Variants in ANKS1B observed in about 807,000 individuals in gnomAD.
ANKS1B encodes the protein ankyrin repeat and sterile alpha motif domain containing 1B, also known as ankyrin repeat and sterile alpha motif domain-containing protein 1B.
A neutral mutation model predicts 148.3 loss-of-function variants in ANKS1B; 36 were observed. The observed-to-expected ratio is 0.24, with a 90% CI of 0.19 to 0.32. The LOEUF (loss-of-function observed/expected upper bound fraction) is 0.32. ANKS1B is among the 10% of genes least tolerant of loss of function. The probability of loss-of-function intolerance (pLI) is 1.00; values close to 1 mark genes in which losing one functional copy is unlikely to be tolerated. For synonymous variants in ANKS1B, 542 were observed against 560.8 expected (o/e 0.97, Z 0.47); for missense variants, 1,157 against 1,542.6 (o/e 0.75, Z 4.19).
At chr12:99,224,280 T>C (rs2085542510) in intron 14 of ANKS1B, among the ~76,000 whole-genome samples, 1 of 152,222 alleles carries the variant, frequency 6.6e-6, no homozygotes, top group East Asian at 1.9e-4. Flanking sequence ...AATGGAGCTT[T>C]ACAGTTTATA....
At chr12:99,737,543 TAAA>T (rs2059723773) in intron 8 of ANKS1B, among the ~76,000 whole-genome samples, 1 of 152,116 alleles carries the variant, frequency 6.6e-6, no homozygotes, top group South Asian at 2.1e-4. Flanking sequence ...TCCCCATGCT[TAAA>T]ACCCTTCAGT....
chr12:99,517,650 A>C (rs1961512), intron 9 of ANKS1B, among the ~76,000 whole-genome samples: 19,117 of 151,872 alleles, frequency 0.13, 1,523 homozygotes, highest in Non-Finnish European at 0.17. Context: ...AATCGCTTGA[A>C]TATATATAGC....
chr12:99,004,336 A>C (rs2099934853), intron 17 of ANKS1B, among the ~76,000 whole-genome samples: 1 of 151,228 alleles, frequency 6.6e-6, no homozygotes, highest in Non-Finnish European at 1.5e-5. Flanking sequence ...TAATGTTCCC[A>C]TTTAAAAACA....
intron 8 of ANKS1B, 192 bp downstream of exon 8, chr12:99,772,730 T>G: frequency 2.3e-6 from 1 of 430,998 alleles, no homozygotes. Flanking sequence ...TGAAGTGATC[T>G]GTCAAAGCAC....
intron 12 of ANKS1B, among the ~76,000 whole-genome samples, chr12:99,373,663 C>G (rs142562795): frequency 4.5e-4 from 68 of 152,138 alleles, no homozygotes; most frequent in Middle Eastern, 3.4e-3. Context: ...CCAGTTACTG[C>G]TCTTTTTGAA....
intron 9 of ANKS1B, among the ~76,000 whole-genome samples, chr12:99,527,528 C>T (rs78167210): frequency 0.015 from 2,235 of 152,218 alleles, 48 homozygotes; most frequent in African/African-American, 0.049. Context: ...CTTACTAAAT[C>T]GGAATCTCTG....
At chr12:99,642,194 A>T (rs1006615036) in intron 9 of ANKS1B, among the ~76,000 whole-genome samples, 5 of 152,238 alleles carry the variant, frequency 3.3e-5, no homozygotes, top group African/African-American at 1.2e-4. Context: ...GCACAAAACA[A>T]TAAAAATCTA....
At chr12:99,669,696 T>C (rs573416545) in intron 8 of ANKS1B, among the ~76,000 whole-genome samples, 18 of 152,326 alleles carry the variant, frequency 1.2e-4, no homozygotes, top group South Asian at 6.2e-4. Context: ...CTTGTGCAGA[T>C]TGATATTCAA....
At chr12:99,764,415 G>A (rs2062450588) in intron 8 of ANKS1B, among the ~76,000 whole-genome samples, 1 of 152,052 alleles carries the variant, frequency 6.6e-6, no homozygotes, top group African/African-American at 2.4e-5. Context: ...GTGTTTGAGA[G>A]TAATCCATTT....
chr12:99,955,933 T>C lies in ANKS1B; in HGVS notation c.134+28171A>G, dbSNP rs147253043. Reference sequence around the variant, plus strand: ...TATCTAAAGAAAATTGTAAAAGAAATAAAATCCTTCCTCAGAATTGACAGA... The same window carrying C: ...TATCTAAAGAAAATTGTAAAAGAAACAAAATCCTTCCTCAGAATTGACAGA... On this transcript the variant is annotated intron_variant, in intron 1 of 26. Coordinates refer to ENST00000683438, the MANE Select transcript of ANKS1B (RefSeq NM_001352186.2). Among the ~76,000 whole-genome samples, 994 of 152,164 alleles carry C rather than the reference T, an allele frequency of 6.5e-3. 5 individuals are homozygous for C. The highest frequency in any genetic ancestry group is 0.011 in the Non-Finnish European group (758 of 67,990).
At chr12:98,978,972 C>T (rs1027080267) in intron 17 of ANKS1B, among the ~76,000 whole-genome samples, 10 of 151,808 alleles carry the variant, frequency 6.6e-5, no homozygotes, top group Non-Finnish European at 1.3e-4. Context: ...TGAAACCCAT[C>T]TCTACTAAAA....
intron 17 of ANKS1B, among the ~76,000 whole-genome samples, chr12:98,924,126 G>T (rs2099804943): frequency 6.6e-6 from 1 of 152,160 alleles, no homozygotes; most frequent in African/African-American, 2.4e-5. Flanking sequence ...AAAGGAGGTG[G>T]CAGAGGTCTG....
intron 1 of ANKS1B, among the ~76,000 whole-genome samples, chr12:99,963,626 T>C (rs1233655472): frequency 6.6e-6 from 1 of 152,228 alleles, no homozygotes; most frequent in Non-Finnish European, 1.5e-5. Context: ...CTATAGCAAA[T>C]GTTTACTAAA....
intron 12 of ANKS1B, among the ~76,000 whole-genome samples, chr12:99,258,791 T>C (rs533506794): frequency 1.1e-4 from 16 of 152,196 alleles, no homozygotes; most frequent in African/African-American, 3.9e-4. Context: ...GAACTGACAT[T>C]CCCTTAATTC....
chr12:98,889,406 G>A (rs2099747425), intron 17 of ANKS1B, among the ~76,000 whole-genome samples: 1 of 151,330 alleles, frequency 6.6e-6, no homozygotes, highest in African/African-American at 2.4e-5. Context: ...GGAGTACAAT[G>A]GCACTATCTC....
chr12:99,313,594 G>C (rs1300810386), intron 12 of ANKS1B, among the ~76,000 whole-genome samples: 1 of 152,142 alleles, frequency 6.6e-6, no homozygotes, highest in Non-Finnish European at 1.5e-5. Flanking sequence ...TCCTTCCTGG[G>C]TTGCAAGGTT....
Position 99,159,340 on chromosome 12 carries a change from G to C in ANKS1B, c.2420-4945C>G, listed in dbSNP as rs116452391. Among the ~76,000 whole-genome samples the C allele has an allele frequency of 1.8e-3, 273 of 152,216 alleles. 1 individual carries two copies. The highest frequency in any genetic ancestry group is 6.4e-3 in the African/African-American group (267 of 41,516). ...ATCCCGTCACCAGGTACTCAGCACA[G>C]TACCCAATAGTTAGTTTTTCATACA... On this transcript the variant is annotated intron_variant, in intron 14 of 26. Coordinates refer to ENST00000683438, the MANE Select transcript of ANKS1B (RefSeq NM_001352186.2).
intron 15 of ANKS1B, among the ~76,000 whole-genome samples, chr12:99,088,450 T>C (rs1037948002): frequency 6.6e-6 from 1 of 152,236 alleles, no homozygotes; most frequent in South Asian, 2.1e-4. Context: ...GGTATCATTA[T>C]ATATAAATAT....
At chr12:99,655,332 C>A in intron 8 of ANKS1B, 122 bp from the exon 9 acceptor site, 1 of 857,590 alleles carries the variant, frequency 1.2e-6, no homozygotes. Context: ...CACTTTTAGC[C>A]ACAGTTACAT....
Sources: gnomAD v4.1 joint callset for allele counts (sites outside exome capture counted in the v4.1 genomes callset) on GRCh38, gnomAD v4.1.1 for gene constraint, MANE v1.5 for transcripts, NCBI Gene and HGNC (gene_info 2026-07-23, HGNC 2026-07-21) for gene names.